DOCK9: variants seen among roughly 807,000 people sequenced by gnomAD.
DOCK9 encodes the protein dedicator of cytokinesis protein 9.
DOCK9 carries 89 observed loss-of-function variants against 263.3 expected under a neutral mutation model. That is an observed-to-expected ratio of 0.34 (90% confidence interval 0.28 to 0.40). The LOEUF is 0.40. DOCK9 is among the 10% of genes least tolerant of loss of function. The pLI, the probability that DOCK9 is intolerant of heterozygous loss-of-function variation, is 1.00. For synonymous variants in DOCK9, 976 were observed against 973.1 expected (o/e 1.00, Z -0.06); for missense variants, 2,140 against 2,603.4 (o/e 0.82, Z 3.87).
chr13:99,028,910 G>T (rs1887054572), intron 1 of DOCK9, among the ~76,000 whole-genome samples: 1 of 152,192 alleles, frequency 6.6e-6, no homozygotes, highest in Admixed American at 6.5e-5. Flanking sequence ...CAAAGGGGTA[G>T]GCTGGCCAAT....
chr13:99,020,878 T>C (rs757420339), intron 1 of DOCK9, among the ~76,000 whole-genome samples: 3 of 152,214 alleles, frequency 2.0e-5, no homozygotes, highest in Non-Finnish European at 4.4e-5. Context: ...TAATACCTCA[T>C]ACATGATACA....
At chr13:98,999,989 A>G (rs914040585) in intron 1 of DOCK9, among the ~76,000 whole-genome samples, 5 of 152,308 alleles carry the variant, frequency 3.3e-5, no homozygotes, top group Middle Eastern at 3.4e-3. Flanking sequence ...AAAAAGAAAA[A>G]AAGAAGAAGA....
intron 15 of DOCK9, among the ~76,000 whole-genome samples, chr13:98,889,163 A>G (rs1430119265): frequency 6.6e-6 from 1 of 152,194 alleles, no homozygotes; most frequent in Admixed American, 6.5e-5. Flanking sequence ...CTCATTTAGA[A>G]TCATCACCAT....
chr13:98,977,757 G>A, intron 1 of DOCK9, 27 bp downstream of exon 1: 1 of 1,608,916 alleles, frequency 6.2e-7, no homozygotes, highest in Non-Finnish European at 8.5e-7. Flanking sequence ...GGTAGACACA[G>A]CAACACTTTG....
chr13:98,822,607 A>T (rs1239206998), intron 45 of DOCK9, among the ~76,000 whole-genome samples: 2 of 152,182 alleles, frequency 1.3e-5, no homozygotes, highest in Non-Finnish European at 2.9e-5. Flanking sequence ...AGGAGTTCAA[A>T]GCCAAGAGTA....
At chr13:98,902,243 C>T (rs1402378986) in intron 12 of DOCK9, 45 bp downstream of exon 12, 2 of 1,598,370 alleles carry the variant, frequency 1.3e-6, no homozygotes, top group South Asian at 2.2e-5. Flanking sequence ...AGGTAGCATG[C>T]AAAGTGAGTC....
intron 8 of DOCK9, among the ~76,000 whole-genome samples, chr13:98,914,770 G>C (rs1182302631): frequency 1.3e-5 from 2 of 152,138 alleles, no homozygotes; most frequent in Admixed American, 1.3e-4. Context: ...AAAGCTCCCA[G>C]GTACTTCTAA....
intron 50 of DOCK9, among the ~76,000 whole-genome samples, chr13:98,798,624 T>C (rs1280953662): frequency 1.3e-5 from 2 of 152,202 alleles, no homozygotes; most frequent in Non-Finnish European, 2.9e-5. Context: ...TAAGGTCTAA[T>C]AGCAAGATCT....
intron 38 of DOCK9, among the ~76,000 whole-genome samples, chr13:98,843,950 G>C (rs933343980): frequency 6.6e-6 from 1 of 152,160 alleles, no homozygotes; most frequent in African/African-American, 2.4e-5. Flanking sequence ...TGGAGGTGCA[G>C]CACTGGTGTA....
rs551483049 is a variant in DOCK9 at position 98,846,432 on chromosome 13, T to C, written c.4062-372A>G. 3,541 of 1,098,492 alleles carry C rather than the reference T, an allele frequency of 3.2e-3. 116 individuals carry two copies. In the South Asian group the frequency reaches 0.04, roughly 13 times the overall value. 68.0% of individuals were successfully genotyped at this position (1,098,492 alleles called of 1,614,324 possible). ...TTCTGAAAAAGCAAAAGACATGTAT[T>C]TTTTTTAATTAAAAAATGCATTGGA... On this transcript the variant is annotated intron_variant, in intron 37 of 52. Coordinates refer to ENST00000682017, the MANE Select transcript of DOCK9 (RefSeq NM_001366683.2).
chr13:98,973,085 T>G (rs2059901382), intron 1 of DOCK9, among the ~76,000 whole-genome samples: 1 of 152,258 alleles, frequency 6.6e-6, no homozygotes, highest in Non-Finnish European at 1.5e-5. Context: ...GGAACATCTT[T>G]CTTTCACCAT....
At chr13:99,051,543 C>A in intron 1 of DOCK9, among the ~76,000 whole-genome samples, 1 of 152,098 alleles carries the variant, frequency 6.6e-6, no homozygotes, top group Non-Finnish European at 1.5e-5. Context: ...TACATCTTTT[C>A]AATACCCAGA....
intron 1 of DOCK9, among the ~76,000 whole-genome samples, chr13:99,009,916 A>G (rs1884173905): frequency 6.6e-6 from 1 of 152,172 alleles, no homozygotes; most frequent in African/African-American, 2.4e-5. Flanking sequence ...ATATAGTACT[A>G]AAGTATGAAG....
At chr13:98,864,775 G>C (rs1028989356) in intron 30 of DOCK9, among the ~76,000 whole-genome samples, 2 of 152,154 alleles carry the variant, frequency 1.3e-5, no homozygotes, top group African/African-American at 4.8e-5. Flanking sequence ...GGTGGGGCCT[G>C]GTGGGAGGTG....
intron 1 of DOCK9, among the ~76,000 whole-genome samples, chr13:99,032,438 T>G (rs1051291897): frequency 2.7e-5 from 4 of 149,952 alleles, no homozygotes; most frequent in African/African-American, 9.9e-5. Context: ...ATCACACCAC[T>G]GCACTCCACA....
At chr13:99,019,186 A>C (rs1885775983) in intron 1 of DOCK9, among the ~76,000 whole-genome samples, 1 of 152,204 alleles carries the variant, frequency 6.6e-6, no homozygotes, top group Admixed American at 6.5e-5. Context: ...ACACATCCAG[A>C]GAGATAGAAA....
At chr13:98,972,133 C>G (rs532350692) in intron 1 of DOCK9, among the ~76,000 whole-genome samples, 1 of 152,166 alleles carries the variant, frequency 6.6e-6, no homozygotes, top group Non-Finnish European at 1.5e-5. Flanking sequence ...TAACTTTGAG[C>G]AAGAGGAAAC....
intron 1 of DOCK9, among the ~76,000 whole-genome samples, chr13:99,023,655 AT>A (rs995732953): frequency 6.6e-6 from 1 of 152,190 alleles, no homozygotes; most frequent in African/African-American, 2.4e-5. Context: ...ATCTTTCCAT[AT>A]TTTTTAAAAA....
At chr13:98,947,650 C>T (rs1025123097) in intron 2 of DOCK9, among the ~76,000 whole-genome samples, 3 of 151,590 alleles carry the variant, frequency 2.0e-5, no homozygotes, top group African/African-American at 7.3e-5. Flanking sequence ...GGATTACAGG[C>T]GCCCGCCACT....
Sources: gnomAD v4.1 joint callset for allele counts (sites outside exome capture counted in the v4.1 genomes callset) on GRCh38, gnomAD v4.1.1 for gene constraint, MANE v1.5 for transcripts, NCBI Gene and HGNC (gene_info 2026-07-23, HGNC 2026-07-21) for gene names.